Variants in FRMD6 observed in about 807,000 individuals in gnomAD.
FRMD6 encodes the protein FERM domain containing 6.
Under a neutral mutation model 73.2 loss-of-function variants are expected in FRMD6, and 37 were observed. The observed-to-expected ratio is 0.51, with a 90% CI of 0.39 to 0.66. The LOEUF (loss-of-function observed/expected upper bound fraction) is 0.66, where lower values mean the gene tolerates loss of function less well. FRMD6 is among the 30% of genes least tolerant of loss of function. The pLI is 0.00. For missense variants in FRMD6, 714 were observed against 780.5 expected (o/e 0.91, Z 1.02); for synonymous variants, 273 against 282.2 (o/e 0.97, Z 0.33).
chr14:51,599,058 CTTTTTTTTTTTTT>C (rs59151771), intron 2 of FRMD6, among the ~76,000 whole-genome samples: 4 of 72,800 alleles, frequency 5.5e-5, no homozygotes, highest in Non-Finnish European at 1.0e-4. Context: ...CAGTATCTGT[CTTTTTTTTTTTTT>C]TTTTTTTTTT....
Position 51,727,948 on chromosome 14 carries a change from A to G in FRMD6, c.1788A>G (p.Gln596=). The G allele has an allele frequency of 1.2e-6, 2 of 1,614,128 alleles. No homozygotes were observed. Among genetic ancestry groups the G allele is most frequent in the Non-Finnish European group, 1.7e-6 (2 of 1,179,954 alleles). The change falls in exon 14 of 14, where the codon CAA becomes CAG. Residue 596 remains glutamine (Q), a synonymous_variant. Transcript: ENST00000344768. ...TGGCCCAGCAGTGCATCAACATCCA[A>G]GATGCTTTTCCAGTCAAAAGAACCA... ...SCLAQQCINI[Q]DAFPVKRTSK...
intron 5 of FRMD6, among the ~76,000 whole-genome samples, chr14:51,704,296 TA>T (rs898417757): frequency 3.9e-5 from 6 of 152,104 alleles, no homozygotes; most frequent in African/African-American, 1.2e-4. Context: ...TGTGTTCAGT[TA>T]AAAAATAATA....
chr14:51,638,749 A>G (rs1891686596), intron 2 of FRMD6, among the ~76,000 whole-genome samples: 1 of 152,184 alleles, frequency 6.6e-6, no homozygotes, highest in African/African-American at 2.4e-5. Flanking sequence ...TTTTAGTCTG[A>G]TCAATTTAAG....
upstream of FRMD6, among the ~76,000 whole-genome samples, chr14:51,487,637 C>G (rs757536309): frequency 6.6e-6 from 1 of 152,128 alleles, no homozygotes; most frequent in Non-Finnish European, 1.5e-5. Flanking sequence ...TTCACCTTTG[C>G]GCATTATTTT....
chr14:51,663,314 A>G (rs997337261), intron 1 of FRMD6, among the ~76,000 whole-genome samples: 1 of 152,220 alleles, frequency 6.6e-6, no homozygotes, highest in Non-Finnish European at 1.5e-5. Context: ...ACATGCATGC[A>G]TATGTTCATT....
chr14:51,419,667 G>C, the FRMD6 span, among the ~76,000 whole-genome samples: 1 of 152,146 alleles, frequency 6.6e-6, no homozygotes, highest in African/African-American at 2.4e-5. Flanking sequence ...CCTTTCAGAA[G>C]ACCTATCTGA....
intron 1 of FRMD6, among the ~76,000 whole-genome samples, chr14:51,521,762 T>G (rs918809118): frequency 6.6e-6 from 1 of 152,132 alleles, no homozygotes; most frequent in Non-Finnish European, 1.5e-5. Context: ...ATTATAAATT[T>G]TCATGCAGGA....
chr14:51,445,669 A>G, the FRMD6 span, among the ~76,000 whole-genome samples: 1 of 152,134 alleles, frequency 6.6e-6, no homozygotes, highest in African/African-American at 2.4e-5. Flanking sequence ...TGTAATAGGG[A>G]AAAAGTGAGA....
chr14:51,601,659 C>A (rs780011046), intron 2 of FRMD6, among the ~76,000 whole-genome samples: 4 of 152,132 alleles, frequency 2.6e-5, no homozygotes, highest in Non-Finnish European at 5.9e-5. Context: ...ACAAGTAAAA[C>A]CATGAAGTAG....
intron 1 of FRMD6, among the ~76,000 whole-genome samples, chr14:51,536,120 G>A (rs989449403): frequency 1.4e-5 from 2 of 142,628 alleles, no homozygotes; most frequent in African/African-American, 5.1e-5. Context: ...AGAGAAACAG[G>A]GTCTCACCCT....
intron 2 of FRMD6, among the ~76,000 whole-genome samples, chr14:51,583,417 A>G (rs1347694747): frequency 6.6e-6 from 1 of 152,226 alleles, no homozygotes; most frequent in African/African-American, 2.4e-5. Flanking sequence ...TTGGGGAGAC[A>G]TTATCTACAT....
intron 1 of FRMD6, among the ~76,000 whole-genome samples, chr14:51,677,118 T>G (rs1894443859): frequency 6.6e-6 from 1 of 152,096 alleles, no homozygotes; most frequent in South Asian, 2.1e-4. Context: ...CATATTTTAT[T>G]TAGTCTGTTG....
chr14:51,428,047 T>C, the FRMD6 span, among the ~76,000 whole-genome samples: 7 of 152,182 alleles, frequency 4.6e-5, no homozygotes. Flanking sequence ...TAAAAGGAGT[T>C]TGGGTTCAGT....
At chr14:51,544,214 T>G (rs1040021653) in intron 1 of FRMD6, among the ~76,000 whole-genome samples, 1 of 152,080 alleles carries the variant, frequency 6.6e-6, no homozygotes, top group Non-Finnish European at 1.5e-5. Flanking sequence ...AATATTATCC[T>G]ACCTAAATAA....
At chr14:51,700,504 G>A (rs1896240799) in intron 3 of FRMD6, among the ~76,000 whole-genome samples, 1 of 151,946 alleles carries the variant, frequency 6.6e-6, no homozygotes. Flanking sequence ...TTATCATTTT[G>A]TCATGCTGTG....
intron 1 of FRMD6, among the ~76,000 whole-genome samples, chr14:51,543,889 T>C (rs1886328904): frequency 6.6e-6 from 1 of 152,062 alleles, no homozygotes; most frequent in Non-Finnish European, 1.5e-5. Flanking sequence ...TCAGTAAGAA[T>C]GGGTACTTTG....
intron 1 of FRMD6, among the ~76,000 whole-genome samples, chr14:51,514,489 T>C (rs2140270155): frequency 6.6e-6 from 1 of 152,250 alleles, no homozygotes; most frequent in South Asian, 2.1e-4. Flanking sequence ...GTTCTGCACA[T>C]GTATCCCAGA....
intron 1 of FRMD6, among the ~76,000 whole-genome samples, chr14:51,549,602 T>TTG: frequency 7.6e-6 from 1 of 131,840 alleles, no homozygotes; most frequent in East Asian, 2.1e-4. Context: ...TTTCTTTTTT[T>TTG]TTTTTTTTTT....
intron 2 of FRMD6, among the ~76,000 whole-genome samples, chr14:51,691,830 C>T (rs577469438): frequency 3.3e-5 from 5 of 151,634 alleles, no homozygotes; most frequent in African/African-American, 7.3e-5. Flanking sequence ...CCTGACCTCA[C>T]GTGATCTGTC....
Sources: gnomAD v4.1 joint callset for allele counts (sites outside exome capture counted in the v4.1 genomes callset) on GRCh38, gnomAD v4.1.1 for gene constraint, MANE v1.5 for transcripts, NCBI Gene and HGNC (gene_info 2026-07-23, HGNC 2026-07-21) for gene names.